The following PARD3B variants were observed in gnomAD, a reference collection of about 807,000 sequenced individuals.
PARD3B encodes partitioning defective 3 homolog B.
Under a neutral mutation model 130.2 loss-of-function variants are expected in PARD3B, and 103 were observed. The observed-to-expected ratio is 0.79, with a 90% CI of 0.67 to 0.93. The LOEUF is 0.93. Among genes scored for constraint, PARD3B ranks in the 40% least tolerant of loss-of-function variants. PARD3B has a pLI of 0.00. For missense variants in PARD3B, 1,609 were observed against 1,499.2 expected (o/e 1.07, Z -1.21); for synonymous variants, 583 against 553.2 (o/e 1.05, Z -0.76).
intron 10 of PARD3B, among the ~76,000 whole-genome samples, chr2:205,139,379 A>AT (rs2125668308): frequency 6.6e-6 from 1 of 152,280 alleles, no homozygotes; most frequent in African/African-American, 2.4e-5. Flanking sequence ...GCCACCTTTA[A>AT]TAAAAAAAAC....
intron 2 of PARD3B, among the ~76,000 whole-genome samples, chr2:204,925,972 T>C (rs1182261532): frequency 1.3e-5 from 2 of 151,964 alleles, no homozygotes; most frequent in Admixed American, 6.6e-5. Flanking sequence ...TCTGCCGTGA[T>C]TGTAAGTTTC....
intron 21 of PARD3B, among the ~76,000 whole-genome samples, chr2:205,517,716 C>G (rs2050852708): frequency 1.3e-5 from 2 of 152,104 alleles, no homozygotes; most frequent in South Asian, 4.1e-4. Context: ...TGGATGTGAG[C>G]AGTTATTGCT....
At chr2:205,450,161 A>T (rs1192427894) in intron 20 of PARD3B, among the ~76,000 whole-genome samples, 1 of 152,176 alleles carries the variant, frequency 6.6e-6, no homozygotes, top group Non-Finnish European at 1.5e-5. Flanking sequence ...ATTTAGGAAG[A>T]TTATTGGACT....
chr2:204,892,381 T>C lies in PARD3B; in HGVS notation c.223-72771T>C, dbSNP rs144444005. On this transcript the variant is annotated intron_variant, in intron 2 of 22. Coordinates refer to ENST00000406610, the MANE Select transcript of PARD3B (RefSeq NM_001302769.2). ...TGACTTGGAGTGAATTGGGCACTCA[T>C]TAGCTTAGACCAGAGGATTTACTTT... Among the ~76,000 whole-genome samples, 114 of 152,302 alleles carry C rather than the reference T, an allele frequency of 7.5e-4. No homozygotes were observed. The East Asian group carries it at 0.013, about 17-fold the overall frequency.
At chr2:204,969,395 C>G (rs1691508282) in intron 3 of PARD3B, among the ~76,000 whole-genome samples, 1 of 152,144 alleles carries the variant, frequency 6.6e-6, no homozygotes, top group African/African-American at 2.4e-5. Flanking sequence ...GTGAAGAAGT[C>G]TAGAAAGTAG....
intron 22 of PARD3B, among the ~76,000 whole-genome samples, chr2:205,569,652 C>T (rs1334879652): frequency 1.3e-5 from 2 of 152,128 alleles, no homozygotes; most frequent in Non-Finnish European, 2.9e-5. Flanking sequence ...AGTTCATTGG[C>T]ACATGTCAAC....
At position 205,015,669 on chromosome 2, in the gene PARD3B, C is replaced by T. The variant is rs1187113001; in HGVS notation, c.395-31912C>T. ...ATCTGCTTTGTCCTCCGTATCCATA[C>T]TTTCTTACTCTAGATACTGAGAATC... On this transcript the variant is annotated intron_variant, in intron 3 of 22. Coordinates refer to ENST00000406610, the MANE Select transcript of PARD3B (RefSeq NM_001302769.2). The surrounding 1 kb of genome is among the most constrained non-coding windows in gnomAD (Gnocchi z 4.5). Among the ~76,000 whole-genome samples the T allele has an allele frequency of 6.6e-6, 1 of 152,162 alleles. No individual in the cohort carries two copies. The highest frequency in any genetic ancestry group is 2.4e-5 in the African/African-American group (1 of 41,430).
rs377242434 is a variant in PARD3B, at chr2:205,300,650, C to T, written c.2306C>T (p.Pro769Leu). ...KNDLPFHRPR[P>L]HMVRGRGCNE... ...GACCTTCCCTTTCACAGGCCCCGGCCGCACATGGTTCGAGGCCGAGGCTGC... is the reference window on the plus strand; with the variant it reads ...GACCTTCCCTTTCACAGGCCCCGGCTGCACATGGTTCGAGGCCGAGGCTGC... Residue 769 changes from proline to leucine, a missense_variant, in exon 17 of 23, where the codon CCG becomes CTG. Pro to Leu is a moderately conservative substitution (Grantham distance 98). Coordinates refer to ENST00000406610, the MANE Select transcript of PARD3B (RefSeq NM_001302769.2). This position sits in a 1 kb window ranked among gnomAD's most constrained non-coding sequence, Gnocchi z 4.1. 36 of 1,613,828 alleles carry T rather than the reference C, an allele frequency of 2.2e-5. No homozygotes were observed. Among genetic ancestry groups the T allele is most frequent in the South Asian group, 4.4e-5 (4 of 91,074 alleles).
rs1559397079 is a variant in PARD3B at position 205,057,517 on chromosome 2, G to GTATATATA, written c.504+9827_504+9828insTATATATA. ...TGTATATATACATATATGTGTATGTGCATGTGTATATATACATATATGTAT... is the reference window on the plus strand; with the variant it reads ...TGTATATATACATATATGTGTATGTGTATATATACATGTGTATATATACATATATGTAT... On this transcript the variant is annotated intron_variant, in intron 4 of 22. Coordinates refer to ENST00000406610, the MANE Select transcript of PARD3B (RefSeq NM_001302769.2). Among the ~76,000 whole-genome samples, 5 of 140,220 alleles carry GTATATATA rather than the reference G, an allele frequency of 3.6e-5. 2 individuals carry two copies. The highest frequency in any genetic ancestry group is 1.4e-4 in the African/African-American group (5 of 36,418). 92.0% of individuals were successfully genotyped at this position (140,220 alleles called of 152,430 possible). A position where few individuals can be genotyped will look rare whatever the true frequency, so the allele number is the denominator to read the frequency against.
chr2:204,962,800 C>T (rs1270970102), intron 2 of PARD3B, among the ~76,000 whole-genome samples: 1 of 152,130 alleles, frequency 6.6e-6, no homozygotes, highest in East Asian at 1.9e-4. Flanking sequence ...CATGACAGGT[C>T]AGGAGCTGGT....
chr2:205,099,266 A>G (rs1702592947), intron 4 of PARD3B, among the ~76,000 whole-genome samples: 1 of 152,198 alleles, frequency 6.6e-6, no homozygotes. Flanking sequence ...CAAAACCATT[A>G]TGTTTTCTAG....
intron 10 of PARD3B, among the ~76,000 whole-genome samples, chr2:205,157,835 G>T (rs2125711139): frequency 6.6e-6 from 1 of 152,246 alleles, no homozygotes; most frequent in Admixed American, 6.5e-5. Context: ...GACCCACAAA[G>T]ATGCTCATGT....
chr2:205,394,371 T>C (rs1161015757), intron 18 of PARD3B, among the ~76,000 whole-genome samples: 1 of 152,130 alleles, frequency 6.6e-6, no homozygotes, highest in Non-Finnish European at 1.5e-5. Flanking sequence ...AACTGATAAA[T>C]TAAATGCCCT....
intron 2 of PARD3B, among the ~76,000 whole-genome samples, chr2:204,720,985 G>C (rs992137304): frequency 6.6e-6 from 1 of 151,718 alleles, no homozygotes; most frequent in African/African-American, 2.4e-5. Context: ...AAAGACTCTT[G>C]GGTGCCACCC....
At chr2:205,272,529 G>A (rs931978535) in intron 16 of PARD3B, among the ~76,000 whole-genome samples, 1 of 152,146 alleles carries the variant, frequency 6.6e-6, no homozygotes, top group Non-Finnish European at 1.5e-5. Context: ...TGATAACAGT[G>A]GCTTAACTAA....
intron 18 of PARD3B, among the ~76,000 whole-genome samples, chr2:205,314,068 G>A (rs775553711): frequency 3.7e-4 from 56 of 152,110 alleles, no homozygotes; most frequent in African/African-American, 2.4e-4. Context: ...ACATTGTTCC[G>A]TGTCCAGGTC....
At chr2:205,038,182 T>C (rs1468644217) in intron 3 of PARD3B, among the ~76,000 whole-genome samples, 1 of 152,190 alleles carries the variant, frequency 6.6e-6, no homozygotes, top group Non-Finnish European at 1.5e-5. Context: ...AGGCAAACCC[T>C]TGAGGTCCTT....
intron 15 of PARD3B, among the ~76,000 whole-genome samples, chr2:205,210,145 C>T (rs1481655768): frequency 2.0e-5 from 3 of 151,868 alleles, no homozygotes; most frequent in Non-Finnish European, 2.9e-5. Flanking sequence ...TTGGGAGGAT[C>T]GTTTCACCCT....
chr2:205,487,214 G>A (rs558949755), intron 20 of PARD3B, among the ~76,000 whole-genome samples: 3 of 152,094 alleles, frequency 2.0e-5, no homozygotes, highest in African/African-American at 4.8e-5. Flanking sequence ...TCTTAACACC[G>A]AGGGTCGAGC....
Sources: allele counts gnomAD v4.1 joint callset (sites outside exome capture counted in the v4.1 genomes callset), GRCh38; gene constraint gnomAD v4.1.1; non-coding constraint Gnocchi (gnomAD v3.1); transcripts MANE v1.5; gene names NCBI Gene and HGNC (gene_info 2026-07-23, HGNC 2026-07-21).